The following SYNPR variants were observed in gnomAD, a reference collection of about 807,000 sequenced individuals.
SYNPR encodes the protein synaptoporin.
SYNPR carries 23 observed loss-of-function variants against 32.9 expected under a neutral mutation model. That is an observed-to-expected ratio of 0.70 (90% CI 0.50 to 0.99). SYNPR has a LOEUF of 0.99. SYNPR is among the 50% of genes least tolerant of loss of function. The pLI is 0.00. For missense variants in SYNPR, 318 were observed against 349.3 expected, an observed-to-expected ratio of 0.91 and a Z score of 0.71; for synonymous variants, 146 against 135.9, an observed-to-expected ratio of 1.07 and a Z score of -0.52.
chr3:63,581,971 C>T (rs1703101183), intron 4 of SYNPR, among the ~76,000 whole-genome samples: 1 of 152,088 alleles, frequency 6.6e-6, no homozygotes, highest in African/African-American at 2.4e-5. Context: ...ATCATCAAAA[C>T]AGTACTTGCA....
rs141560603 is a variant in SYNPR at position 63,413,388 on chromosome 3, A to T, written c.85-67444A>T. 6.6e-5 allele frequency among the ~76,000 whole-genome samples: 10 copies of T among 152,316 alleles called. No individual in the cohort carries two copies. In the East Asian group the frequency reaches 1.9e-3, roughly 29 times the overall value. ...TGAGACTATTAACGTAAAAGTTAAG[A>T]TTCGTTTGGTCTTAAGTTAAATAAT... On this transcript the variant is annotated intron_variant, in intron 2 of 5. Transcript: ENST00000478300.
intron 3 of SYNPR, among the ~76,000 whole-genome samples, chr3:63,554,019 G>C (rs1013127477): frequency 4.6e-5 from 7 of 152,178 alleles, no homozygotes; most frequent in African/African-American, 1.4e-4. Flanking sequence ...ACCATGCCCA[G>C]CCCTATGTCT....
At chr3:63,591,804 G>GGACT (rs1318735871) in intron 4 of SYNPR, among the ~76,000 whole-genome samples, 8 of 115,314 alleles carry the variant, frequency 6.9e-5, no homozygotes, top group Admixed American at 9.9e-5. Flanking sequence ...TGGGGACTGT[G>GGACT]GTGGGGTGGG....
intron 2 of SYNPR, among the ~76,000 whole-genome samples, chr3:63,388,662 C>T (rs954223421): frequency 7.3e-5 from 11 of 151,422 alleles, no homozygotes; most frequent in Non-Finnish European, 1.6e-4. Flanking sequence ...CTTCATGATC[C>T]ACCCACCTCA....
chr3:63,384,126 A>C (rs1272174894), intron 2 of SYNPR, among the ~76,000 whole-genome samples: 1 of 152,256 alleles, frequency 6.6e-6, no homozygotes, highest in Non-Finnish European at 1.5e-5. Flanking sequence ...AAATTCAGTC[A>C]TCTAATGCCT....
chr3:63,314,692 C>T (rs2087022424), intron 2 of SYNPR, among the ~76,000 whole-genome samples: 1 of 151,866 alleles, frequency 6.6e-6, no homozygotes, highest in South Asian at 2.1e-4. Context: ...TACTCTGCTG[C>T]CTGCTCCTTT....
At chr3:63,399,985 G>T (rs906268208) in intron 2 of SYNPR, among the ~76,000 whole-genome samples, 1 of 152,128 alleles carries the variant, frequency 6.6e-6, no homozygotes, top group African/African-American at 2.4e-5. Context: ...TTGTTCAGTG[G>T]AAATGAGAGT....
At chr3:63,518,365 C>T (rs181892480) in intron 3 of SYNPR, among the ~76,000 whole-genome samples, 1 of 152,056 alleles carries the variant, frequency 6.6e-6, no homozygotes, top group Admixed American at 6.6e-5. Context: ...GAGAAGGAAA[C>T]AGACATGCTT....
intron 3 of SYNPR, among the ~76,000 whole-genome samples, chr3:63,488,284 CT>C (rs1701194358): frequency 6.6e-6 from 1 of 152,176 alleles, no homozygotes; most frequent in African/African-American, 2.4e-5. Context: ...GGGTTTCACT[CT>C]TTTTGCCTAA....
chr3:63,234,952 C>T (rs1360908234), intron 1 of SYNPR, among the ~76,000 whole-genome samples: 1 of 152,102 alleles, frequency 6.6e-6, no homozygotes, highest in Non-Finnish European at 1.5e-5. Flanking sequence ...TACAAAAAAT[C>T]CTTTTACAAT....
chr3:63,421,000 C>A (rs766541059), intron 2 of SYNPR, among the ~76,000 whole-genome samples: 1 of 152,152 alleles, frequency 6.6e-6, no homozygotes, highest in Non-Finnish European at 1.5e-5. Flanking sequence ...TCCACCTCAG[C>A]CTTCCAACTA....
intron 3 of SYNPR, among the ~76,000 whole-genome samples, chr3:63,502,438 G>A (rs1686594051): frequency 6.6e-6 from 1 of 151,916 alleles, no homozygotes; most frequent in Admixed American, 6.6e-5. Flanking sequence ...GTTCACTCTT[G>A]TTGTTGTATG....
intron 3 of SYNPR, among the ~76,000 whole-genome samples, chr3:63,271,726 T>C (rs1414380320): frequency 1.3e-5 from 2 of 152,066 alleles, no homozygotes; most frequent in African/African-American, 4.8e-5. Flanking sequence ...GCTCAACTTA[T>C]AATCATCAGG....
chr3:63,349,260 G>A (rs986389198), intron 2 of SYNPR, among the ~76,000 whole-genome samples: 6 of 151,926 alleles, frequency 3.9e-5, no homozygotes, highest in African/African-American at 9.7e-5. Flanking sequence ...GCGCCACCAC[G>A]CCCGGCTAAT....
intron 4 of SYNPR, among the ~76,000 whole-genome samples, chr3:63,559,798 T>C (rs1702655170): frequency 6.6e-6 from 1 of 151,886 alleles, no homozygotes; most frequent in Non-Finnish European, 1.5e-5. Context: ...ATCCCCACCA[T>C]GATGTACAGA....
intron 2 of SYNPR, among the ~76,000 whole-genome samples, chr3:63,345,573 G>C (rs1224548307): frequency 3.3e-5 from 5 of 152,052 alleles, no homozygotes; most frequent in Non-Finnish European, 7.4e-5. Context: ...ACCTTGCAGG[G>C]AAAGAAGCTG....
Position 63,272,260 on chromosome 3 carries a change from C to T in SYNPR, n.287+4811C>T, listed in dbSNP as rs146942543. Among the ~76,000 whole-genome samples, 560 of 152,256 alleles carry T rather than the reference C, an allele frequency of 3.7e-3. 2 individuals carry two copies. The highest frequency in any genetic ancestry group is 0.012 in the African/African-American group (493 of 41,554). ...ATGGAGTTGGTAAAAATTATTACCT[C>T]CGTTTTACAGATAAGGAAACTGAAC... On this transcript the variant is annotated intron_variant and non_coding_transcript_variant, in intron 3 of 4. Transcript: ENST00000478456.
chr3:63,267,280 G>A (rs2086498236), intron 2 of SYNPR: 1 of 152,284 alleles, frequency 6.6e-6, no homozygotes, highest in East Asian at 1.9e-4. Flanking sequence ...CAACCACCAT[G>A]GGCCACATGT....
chr3:63,278,590 G>A (rs754475986), intron 1 of SYNPR, 39 bp downstream of exon 1: 38 of 1,550,798 alleles, frequency 2.5e-5, no homozygotes, highest in Middle Eastern at 3.3e-4. Flanking sequence ...CTGGGAGCAG[G>A]GGGCGGGGGA....
Sources: gnomAD v4.1 joint callset for allele counts (sites outside exome capture counted in the v4.1 genomes callset) on GRCh38, gnomAD v4.1.1 for gene constraint, MANE v1.5 for transcripts, NCBI Gene and HGNC (gene_info 2026-07-23, HGNC 2026-07-21) for gene names.